The following EPB41L3 variants were observed in gnomAD, a reference collection of about 807,000 sequenced individuals.
EPB41L3 encodes band 4.1-like protein 3.
Under a neutral mutation model 127.1 loss-of-function variants are expected in EPB41L3, and 57 were observed. The observed-to-expected ratio is 0.45, with a 90% CI of 0.36 to 0.56. The LOEUF is 0.56. EPB41L3 is among the 20% of genes least tolerant of loss of function. EPB41L3 has a pLI of 0.00. For missense variants in EPB41L3, 1,273 were observed against 1,372.2 expected, an observed-to-expected ratio of 0.93 and a Z score of 1.14; for synonymous variants, 572 against 549.5, an observed-to-expected ratio of 1.04 and a Z score of -0.57.
At chr18:5,546,136 T>G (rs1214315141), upstream of EPB41L3, among the ~76,000 whole-genome samples, 2 of 152,192 alleles carry the variant, frequency 1.3e-5, no homozygotes, top group African/African-American at 4.8e-5. Context: ...TTCTTATGAC[T>G]CATGAATCTT....
upstream of EPB41L3, among the ~76,000 whole-genome samples, chr18:5,548,761 C>A (rs2093922571): frequency 6.6e-6 from 1 of 151,948 alleles, no homozygotes; most frequent in Non-Finnish European, 1.5e-5. Context: ...AATAAAAAAT[C>A]CACTGAGAAT....
chr18:5,503,946 T>A (rs1428752059), intron 1 of EPB41L3, among the ~76,000 whole-genome samples: 1 of 152,220 alleles, frequency 6.6e-6, no homozygotes, highest in Non-Finnish European at 1.5e-5. Context: ...GAGAAGAATA[T>A]TAGGTAATCA....
Position 5,406,798 on chromosome 18 carries a change from G to A in EPB41L3, c.2328C>T (p.Ile776=), listed in dbSNP as rs971731136. 16 of 1,613,978 alleles carry A rather than the reference G, an allele frequency of 9.9e-6. No individual in the cohort carries two copies. The highest frequency in any genetic ancestry group is 6.7e-5 in the Admixed American group (4 of 60,004). The change falls in exon 16 of 23, where the codon ATC becomes ATT. Residue 776 remains isoleucine, a synonymous_variant. Transcript: ENST00000341928. ...TGACCTCTTCAGGGACAAGTGGTTCGATCATGGGGGCATCCTCCTGCCTGG... is the reference window on the plus strand; with the variant it reads ...TGACCTCTTCAGGGACAAGTGGTTCAATCATGGGGGCATCCTCCTGCCTGG... ...LAARQEDAPM[I]EPLVPEETKQ... is the part of the protein sequence containing the mutation.
chr18:5,569,020 C>T (rs1384116031), intron 3 of EPB41L3, among the ~76,000 whole-genome samples: 1 of 152,142 alleles, frequency 6.6e-6, no homozygotes, highest in Non-Finnish European at 1.5e-5. Flanking sequence ...TACAAAATTC[C>T]TCTTGATTAC....
chr18:5,576,563 A>G (rs975711030), intron 3 of EPB41L3, among the ~76,000 whole-genome samples: 2 of 152,220 alleles, frequency 1.3e-5, no homozygotes, highest in African/African-American at 2.4e-5. Context: ...CTAATTAGCC[A>G]CTTCTAATAC....
chr18:5,425,668 T>G lies in EPB41L3; in HGVS notation c.1066-1309A>C, dbSNP rs952279068. ...TCAATTTCTTTCAACTTCTTCAGAG[T>G]CTGTGTGTCTCCAATTTCTTCTCAC... On this transcript the variant is annotated intron_variant, in intron 9 of 22. Coordinates refer to ENST00000341928, the MANE Select transcript of EPB41L3 (RefSeq NM_012307.5). Among the ~76,000 whole-genome samples, 4 of 152,112 alleles carry G rather than the reference T, an allele frequency of 2.6e-5. No individual in the cohort carries two copies. In the South Asian group the frequency reaches 8.3e-4, roughly 32 times the overall value.
At chr18:5,417,441 C>A (rs1020287317) in intron 12 of EPB41L3, among the ~76,000 whole-genome samples, 7 of 152,126 alleles carry the variant, frequency 4.6e-5, no homozygotes, top group Non-Finnish European at 1.0e-4. Flanking sequence ...AAGGAAAGCA[C>A]GCAAGCCCCA....
intron 13 of EPB41L3, among the ~76,000 whole-genome samples, chr18:5,415,028 A>G (rs1370414429): frequency 6.6e-6 from 1 of 152,210 alleles, no homozygotes; most frequent in Non-Finnish European, 1.5e-5. Context: ...TGAGACTCAT[A>G]CTGCAGTTGA....
At chr18:5,627,233 C>T (rs921712649) in intron 1 of EPB41L3, among the ~76,000 whole-genome samples, 1 of 152,196 alleles carries the variant, frequency 6.6e-6, no homozygotes, top group Non-Finnish European at 1.5e-5. Context: ...GCCTCAAAAT[C>T]ATAACGCTTC....
At chr18:5,553,743 G>A (rs907386085) in intron 3 of EPB41L3, among the ~76,000 whole-genome samples, 1 of 152,158 alleles carries the variant, frequency 6.6e-6, no homozygotes, top group Non-Finnish European at 1.5e-5. Flanking sequence ...TCCTGTCTGG[G>A]TTCCTGCAAC....
intron 3 of EPB41L3, among the ~76,000 whole-genome samples, chr18:5,562,393 A>G (rs770071826): frequency 1.1e-4 from 17 of 152,336 alleles, no homozygotes; most frequent in African/African-American, 3.6e-4. Flanking sequence ...GTCAGGAGTT[A>G]AACAATGAGA....
chr18:5,548,754 A>T (rs2093922415), upstream of EPB41L3, among the ~76,000 whole-genome samples: 1 of 152,208 alleles, frequency 6.6e-6, no homozygotes, highest in African/African-American at 2.4e-5. Context: ...AAGTAAAAAT[A>T]AAAAATCCAC....
chr18:5,530,225 CTTTTA>C (rs2093367531), intron 1 of EPB41L3, among the ~76,000 whole-genome samples: 1 of 151,996 alleles, frequency 6.6e-6, no homozygotes, highest in Non-Finnish European at 1.5e-5. Flanking sequence ...TTAACTGTGA[CTTTTA>C]TTTTATAGAA....
Position 5,445,121 on chromosome 18 carries a change from A to G in EPB41L3, c.486+19T>C, listed in dbSNP as rs2081296185. 2 of 1,599,548 alleles carry G rather than the reference A, an allele frequency of 1.3e-6. No individual in the cohort carries two copies. Among genetic ancestry groups the G allele is most frequent in the East Asian group, 4.5e-5 (2 of 44,788 alleles). ...AGCAGTTCAAGCCATCTTATTTTGC[A>G]TTGCTTTTGATCACTCACCTTCTGG... On this transcript the variant is annotated intron_variant, in intron 4 of 22. Transcript: ENST00000341928.
At chr18:5,519,889 T>C (rs1166336921) in intron 1 of EPB41L3, among the ~76,000 whole-genome samples, 1 of 152,220 alleles carries the variant, frequency 6.6e-6, no homozygotes, top group Non-Finnish European at 1.5e-5. Flanking sequence ...GAATGACGAA[T>C]ATCCTTATCT....
intron 14 of EPB41L3, among the ~76,000 whole-genome samples, chr18:5,408,626 A>C (rs1323783678): frequency 6.6e-6 from 1 of 151,866 alleles, no homozygotes; most frequent in Non-Finnish European, 1.5e-5. Context: ...GGAGAAGACA[A>C]ATATGGGGCA....
chr18:5,592,047 TAA>T, intron 3 of EPB41L3, among the ~76,000 whole-genome samples: 1 of 152,326 alleles, frequency 6.6e-6, no homozygotes, highest in East Asian at 1.9e-4. Context: ...TCTTGACTCT[TAA>T]AAACAGAAAA....
chr18:5,407,368 A>G, intron 15 of EPB41L3: 1 of 407,464 alleles, frequency 2.5e-6, no homozygotes, highest in East Asian at 4.2e-5. Flanking sequence ...TCACAATACG[A>G]GCCCACAGGT....
In EPB41L3 at chr18:5,395,723, C is replaced by G. The variant is rs568894598; in HGVS notation, c.2974-16G>C. The G allele has an allele frequency of 3.1e-6, 5 of 1,606,740 alleles. No individual in the cohort carries two copies. In the African/African-American group the frequency reaches 6.7e-5, roughly 21 times the overall value. On this transcript the variant is annotated splice_polypyrimidine_tract_variant and intron_variant, in intron 19 of 22. Coordinates refer to ENST00000341928, the MANE Select transcript of EPB41L3 (RefSeq NM_012307.5). ...CTGGATCGACCTAAAGCAGCAGAGG[C>G]ATAGACCCCTCATCCAGGTGCTCAC...
Sources: allele counts gnomAD v4.1 joint callset (sites outside exome capture counted in the v4.1 genomes callset), GRCh38; gene constraint gnomAD v4.1.1; transcripts MANE v1.5; gene names NCBI Gene and HGNC (gene_info 2026-07-23, HGNC 2026-07-21).